The following ZNF385D variants were observed in gnomAD, a reference collection of about 807,000 sequenced individuals.
The protein encoded by ZNF385D is zinc finger protein 385D.
A neutral mutation model predicts 35.8 loss-of-function variants in ZNF385D; 15 were observed. The ratio of observed to expected loss-of-function variants is 0.42; its 90% CI spans 0.28 to 0.64. ZNF385D has a LOEUF of 0.64. Among genes scored for constraint, ZNF385D ranks in the 30% least tolerant of loss-of-function variants. The pLI, the probability that ZNF385D is intolerant of heterozygous loss-of-function variation, is 0.23. For synonymous variants in ZNF385D, 212 were observed against 186.8 expected (o/e 1.13, Z -1.10); for missense variants, 474 against 494.6 (o/e 0.96, Z 0.39).
chr3:21,686,334 T>C (rs891994287), intron 1 of ZNF385D, among the ~76,000 whole-genome samples: 1 of 152,160 alleles, frequency 6.6e-6, no homozygotes, highest in Non-Finnish European at 1.5e-5. Context: ...TATAAAAAGA[T>C]ATAAATATTG....
At chr3:21,570,743 C>T (rs1341009698) in intron 2 of ZNF385D, among the ~76,000 whole-genome samples, 1 of 152,046 alleles carries the variant, frequency 6.6e-6, no homozygotes, top group Non-Finnish European at 1.5e-5. Context: ...GACTTGCTAA[C>T]ACAAGCCTCC....
chr3:21,427,010 A>G (rs1701054196), intron 5 of ZNF385D, among the ~76,000 whole-genome samples: 1 of 152,210 alleles, frequency 6.6e-6, no homozygotes, highest in African/African-American at 2.4e-5. Flanking sequence ...AAAAGTCAAT[A>G]TCTCGCAGGA....
rs548569958 is a variant in ZNF385D at position 21,501,154 on chromosome 3, C to A, written c.439+9707G>T. Among the ~76,000 whole-genome samples, 43 of 152,282 alleles carry A rather than the reference C, an allele frequency of 2.8e-4. 1 individual carries two copies. In the South Asian group the frequency reaches 5.0e-3, roughly 18 times the overall value. ...CCGCTTCCTCCAGCCTCTATATATACCTGGCTGGTTTCCGTTCAATTTGGG... is the reference window on the plus strand; with the variant it reads ...CCGCTTCCTCCAGCCTCTATATATAACTGGCTGGTTTCCGTTCAATTTGGG... On this transcript the variant is annotated intron_variant, in intron 4 of 7. Transcript: ENST00000281523.
At position 21,646,810 on chromosome 3, in the gene ZNF385D, T is replaced by G. The variant is rs1384630230; in HGVS notation, c.165+18076A>C. The stretch of plus-strand genomic sequence containing the variant: ...TGGCTTTCATACATTCGGTCACAAA[T>G]AGAAAGCAATGTTAAGTCCTGGGTT... On this transcript the variant is annotated intron_variant, in intron 2 of 7. Transcript: ENST00000281523. This position sits in a 1 kb window ranked among gnomAD's most constrained non-coding sequence, Gnocchi z 4.3. Among the ~76,000 whole-genome samples the G allele has an allele frequency of 6.6e-6, 1 of 152,144 alleles. No individual in the cohort carries two copies.
At chr3:22,138,687 C>A (rs1200057727) in intron 3 of ZNF385D, among the ~76,000 whole-genome samples, 6 of 152,156 alleles carry the variant, frequency 3.9e-5, no homozygotes, top group Non-Finnish European at 7.4e-5. Flanking sequence ...AAAAGACTTA[C>A]ATGTTAGACC....
At chr3:21,777,284 T>C (rs1214842819) in intron 3 of ZNF385D, among the ~76,000 whole-genome samples, 1 of 151,986 alleles carries the variant, frequency 6.6e-6, no homozygotes, top group East Asian at 1.9e-4. Flanking sequence ...CACATCAGCC[T>C]GAATTTACCT....
intron 2 of ZNF385D, among the ~76,000 whole-genome samples, chr3:22,238,929 G>T (rs1384734145): frequency 4.0e-5 from 6 of 149,940 alleles, no homozygotes; most frequent in African/African-American, 1.2e-4. Flanking sequence ...GTCTTGCCAT[G>T]TTGTACAGGC....
chr3:21,695,518 G>C (rs1323180052), intron 1 of ZNF385D, among the ~76,000 whole-genome samples: 1 of 152,146 alleles, frequency 6.6e-6, no homozygotes, highest in African/African-American at 2.4e-5. Flanking sequence ...TATAGCCTAA[G>C]TGGAACTGAC....
At chr3:22,170,502 G>A (rs1694336673) in intron 2 of ZNF385D, among the ~76,000 whole-genome samples, 2 of 152,172 alleles carry the variant, frequency 1.3e-5, no homozygotes, top group Non-Finnish European at 2.9e-5. Flanking sequence ...AGGTTGGTCA[G>A]TACATAACGC....
chr3:21,547,708 C>A (rs536326232), intron 3 of ZNF385D, among the ~76,000 whole-genome samples: 1 of 151,764 alleles, frequency 6.6e-6, no homozygotes, highest in Non-Finnish European at 1.5e-5. Flanking sequence ...CCTCTGCCTT[C>A]CAGGTTCAAG....
At chr3:21,437,747 G>A (rs903315723) in intron 4 of ZNF385D, among the ~76,000 whole-genome samples, 2 of 118,330 alleles carry the variant, frequency 1.7e-5, no homozygotes, top group South Asian at 2.9e-4. Flanking sequence ...TAATTGCTTT[G>A]ACCAGATCAA....
chr3:21,740,067 T>A lies in ZNF385D; in HGVS notation c.22+10828A>T, dbSNP rs1236589378. On this transcript the variant is annotated intron_variant, in intron 1 of 7. Coordinates refer to ENST00000281523, the MANE Select transcript of ZNF385D (RefSeq NM_024697.3). ...AGTGACCAGTTCATCCCAGTACACA[T>A]GAAACTTTCTGTTTTGACACGGGAA... Among the ~76,000 whole-genome samples the A allele has an allele frequency of 2.6e-5, 4 of 152,190 alleles. No individual in the cohort carries two copies. The East Asian group carries it at 5.8e-4, about 22-fold the overall frequency.
intron 2 of ZNF385D, among the ~76,000 whole-genome samples, chr3:21,614,452 A>G (rs536975191): frequency 2.6e-5 from 4 of 152,348 alleles, no homozygotes; most frequent in Non-Finnish European, 4.4e-5. Context: ...ATTTTGGAAG[A>G]ATATAGTTCA....
intron 3 of ZNF385D, among the ~76,000 whole-genome samples, chr3:21,832,521 T>C (rs774821681): frequency 6.6e-6 from 1 of 152,214 alleles, no homozygotes; most frequent in African/African-American, 2.4e-5. Flanking sequence ...AGTTGTACTA[T>C]GGGGAGTTGC....
At chr3:22,101,481 T>A (rs188337663) in intron 3 of ZNF385D, among the ~76,000 whole-genome samples, 3 of 152,222 alleles carry the variant, frequency 2.0e-5, no homozygotes, top group Admixed American at 1.3e-4. Flanking sequence ...ATATTGCTAG[T>A]AATCAGCAGA....
chr3:21,867,257 T>A (rs892908033), intron 3 of ZNF385D, among the ~76,000 whole-genome samples: 6 of 152,232 alleles, frequency 3.9e-5, no homozygotes, highest in South Asian at 2.1e-4. Flanking sequence ...GACCTAATCA[T>A]CTCCCATTAG....
chr3:22,343,507 G>A (rs1695516884), intron 2 of ZNF385D, among the ~76,000 whole-genome samples: 1 of 152,238 alleles, frequency 6.6e-6, no homozygotes, highest in Non-Finnish European at 1.5e-5. Context: ...GGTGGGAGTA[G>A]CAGCACTTGT....
intron 3 of ZNF385D, among the ~76,000 whole-genome samples, chr3:21,781,418 C>A (rs1438518409): frequency 6.6e-6 from 1 of 152,022 alleles, no homozygotes; most frequent in Non-Finnish European, 1.5e-5. Flanking sequence ...TACACTTCAT[C>A]TGAAAGTAAA....
At chr3:22,281,576 C>T (rs775121040) in intron 2 of ZNF385D, among the ~76,000 whole-genome samples, 30 of 152,012 alleles carry the variant, frequency 2.0e-4, no homozygotes, top group Non-Finnish European at 4.0e-4. Flanking sequence ...CTGCGCATCC[C>T]TTGTATGAAA....
Sources: gnomAD v4.1 joint callset for allele counts (sites outside exome capture counted in the v4.1 genomes callset) on GRCh38, gnomAD v4.1.1 for gene constraint, Gnocchi (gnomAD v3.1) non-coding constraint, MANE v1.5 for transcripts, NCBI Gene and HGNC (gene_info 2026-07-23, HGNC 2026-07-21) for gene names.